Variants in ZBTB8A observed in about 807,000 individuals in gnomAD.
The protein encoded by ZBTB8A is zinc finger and BTB domain-containing protein 8A.
Under a neutral mutation model 37.8 loss-of-function variants are expected in ZBTB8A, and 19 were observed. The observed-to-expected ratio is 0.50, with a 90% confidence interval of 0.35 to 0.74. ZBTB8A has a LOEUF of 0.74. ZBTB8A is among the 30% of genes least tolerant of loss of function. The pLI, the probability that ZBTB8A is intolerant of heterozygous loss-of-function variation, is 0.01. For missense variants in ZBTB8A, 394 were observed against 537.8 expected (o/e 0.73, Z 2.65); for synonymous variants, 181 against 185.2 (o/e 0.98, Z 0.19).
chr1:32,563,922 G>C (rs1297920953), intron 2 of ZBTB8A, among the ~76,000 whole-genome samples: 2 of 152,068 alleles, frequency 1.3e-5, no homozygotes, highest in Admixed American at 6.6e-5. Flanking sequence ...AAGAGGATGG[G>C]GAGTACATCT....
At chr1:32,554,199 A>G (rs984452792) in intron 2 of ZBTB8A, among the ~76,000 whole-genome samples, 22 of 131,762 alleles carry the variant, frequency 1.7e-4, no homozygotes, top group Non-Finnish European at 1.3e-4. Flanking sequence ...GACTGTCTCC[A>G]AAAAAAAAAA....
chr1:32,594,925 TC>T, intron 3 of ZBTB8A, 128 bp from the exon 4 acceptor site: 1 of 1,023,346 alleles, frequency 9.8e-7, no homozygotes, highest in Non-Finnish European at 1.3e-6. Context: ...CCTTGTGAAT[TC>T]TTTTTATTTC....
At chr1:32,539,966 C>G in intron 1 of ZBTB8A, among the ~76,000 whole-genome samples, 1 of 150,808 alleles carries the variant, frequency 6.6e-6, no homozygotes, top group East Asian at 2.0e-4. Flanking sequence ...CGCGGGGGCG[C>G]GCGGGGAGGG....
intron 2 of ZBTB8A, among the ~76,000 whole-genome samples, chr1:32,562,628 G>A (rs1233343173): frequency 6.8e-6 from 1 of 146,212 alleles, no homozygotes; most frequent in Non-Finnish European, 1.5e-5. Flanking sequence ...CCAGGCTGGA[G>A]TGCAGTGGCG....
intron 2 of ZBTB8A, among the ~76,000 whole-genome samples, chr1:32,567,665 G>A (rs963067492): frequency 6.6e-6 from 1 of 150,850 alleles, no homozygotes; most frequent in Non-Finnish European, 1.5e-5. Flanking sequence ...GATGGTGGGC[G>A]CCTGTAGTCC....
At chr1:32,571,656 C>T (rs1440632812) in intron 2 of ZBTB8A, among the ~76,000 whole-genome samples, 1 of 152,006 alleles carries the variant, frequency 6.6e-6, no homozygotes, top group Non-Finnish European at 1.5e-5. Context: ...CTCACTGCAA[C>T]CTCTGCCTCC....
At chr1:32,597,230 A>G (rs1644540764) in intron 4 of ZBTB8A, among the ~76,000 whole-genome samples, 1 of 152,004 alleles carries the variant, frequency 6.6e-6, no homozygotes, top group Non-Finnish European at 1.5e-5. Context: ...CCTGACCTCA[A>G]GTGATCCATC....
At chr1:32,581,692 A>G (rs1008486861) in intron 2 of ZBTB8A, among the ~76,000 whole-genome samples, 1 of 152,050 alleles carries the variant, frequency 6.6e-6, no homozygotes, top group Non-Finnish European at 1.5e-5. Context: ...GTTTGTTCTC[A>G]CACTGATACG....
At position 32,593,884 on chromosome 1, in the gene ZBTB8A, T is replaced by C. The variant is rs76696696; in HGVS notation, c.823+130T>C. 525 of 727,044 alleles carry C rather than the reference T, an allele frequency of 7.2e-4. 1 individual carries two copies. In the African/African-American group the frequency reaches 8.4e-3, roughly 12 times the overall value. The allele number at this position is 727,044 out of a possible 1,614,324, so 45.0% of individuals were successfully genotyped here. On this transcript the variant is annotated intron_variant, in intron 3 of 4. Transcript: ENST00000373510. ...CAAGTGATTTTTTTCAAAAGTTCTA[T>C]TTTTGTAATGAAATTTATTTAGTAA...
At position 32,600,397 on chromosome 1, in the gene ZBTB8A, A is replaced by G. The variant is rs1644566837; in HGVS notation, c.1304A>G (p.Glu435Gly). ...VDDSEEEEEKEIKPNIR is the reference protein window; with the variant it reads ...VDDSEEEEEKGIKPNIR ...GATAGTGAAGAAGAAGAAGAAAAAGAAATTAAGCCCAACATTAGGTAGCTG... is the reference window on the plus strand; with the variant it reads ...GATAGTGAAGAAGAAGAAGAAAAAGGAATTAAGCCCAACATTAGGTAGCTG... The change falls in exon 5 of 5, where the codon GAA becomes GGA. Residue 435 changes from glutamate to glycine, a missense_variant. By Grantham distance (98) the Glu-to-Gly change is moderately conservative (BLOSUM62 -2). Transcript: ENST00000373510. 6.2e-7 allele frequency: 1 copy of G among 1,612,056 alleles called. No individual in the cohort carries two copies. The highest frequency in any genetic ancestry group is 1.7e-5 in the Admixed American group (1 of 59,832).
At chr1:32,561,104 T>C (rs1644241120) in intron 2 of ZBTB8A, among the ~76,000 whole-genome samples, 1 of 124,674 alleles carries the variant, frequency 8.0e-6, no homozygotes, top group Non-Finnish European at 1.6e-5. Flanking sequence ...CAGGGTCTAA[T>C]CCAAACTCTT....
intron 1 of ZBTB8A, among the ~76,000 whole-genome samples, chr1:32,548,484 G>A (rs556621909): frequency 5.3e-5 from 8 of 152,070 alleles, no homozygotes; most frequent in African/African-American, 1.4e-4. Context: ...ACAGGCACCC[G>A]CCATCATGCC....
At chr1:32,551,114 G>T (rs536135348) in intron 1 of ZBTB8A, among the ~76,000 whole-genome samples, 14 of 152,294 alleles carry the variant, frequency 9.2e-5, no homozygotes, top group Middle Eastern at 3.4e-3. Context: ...CTAGGTGACA[G>T]ATGAGCTTTT....
At chr1:32,544,808 T>C (rs575286355) in intron 1 of ZBTB8A, among the ~76,000 whole-genome samples, 1 of 152,240 alleles carries the variant, frequency 6.6e-6, no homozygotes, top group Non-Finnish European at 1.5e-5. Context: ...CAAAATGTTA[T>C]GCGGCGCGTG....
intron 2 of ZBTB8A, among the ~76,000 whole-genome samples, chr1:32,558,303 C>T (rs1257615990): frequency 6.6e-6 from 1 of 152,040 alleles, no homozygotes; most frequent in Non-Finnish European, 1.5e-5. Context: ...ATCTAGCCAC[C>T]TGGCCATTTT....
intron 2 of ZBTB8A, among the ~76,000 whole-genome samples, chr1:32,571,758 G>T (rs553802938): frequency 6.7e-6 from 1 of 149,222 alleles, no homozygotes; most frequent in South Asian, 2.2e-4. Flanking sequence ...TGTACTTTTA[G>T]TACAGATAAG....
chr1:32,544,928 C>G (rs1400754880), intron 1 of ZBTB8A, among the ~76,000 whole-genome samples: 2 of 152,138 alleles, frequency 1.3e-5, no homozygotes, highest in African/African-American at 4.8e-5. Context: ...TTGTTTCCAC[C>G]TCTTAGCTGT....
rs1459172936 is a variant in ZBTB8A, at chr1:32,592,947, C to T, written c.16C>T (p.His6Tyr). ...CCTCTTCAGAATGGAGATCTCCTCT[C>T]ATCAGTCTCACCTCCTGCAGCAACT... MEISSHQSHLLQQLNE... is the reference protein window; with the variant it reads MEISSYQSHLLQQLNE... The change falls in exon 3 of 5, where the codon CAT (histidine) becomes TAT (tyrosine). Residue 6 changes from histidine (H) to tyrosine (Y), a missense_variant. By Grantham distance (83) the His-to-Tyr change is moderately conservative (BLOSUM62 2). Transcript: ENST00000373510. 1.2e-6 allele frequency: 2 copies of T among 1,609,202 alleles called. No homozygotes were observed. Among genetic ancestry groups the T allele is most frequent in the African/African-American group, 2.7e-5 (2 of 74,774 alleles).
At chr1:32,598,990 A>G (rs1170439067) in intron 4 of ZBTB8A, among the ~76,000 whole-genome samples, 1 of 152,206 alleles carries the variant, frequency 6.6e-6, no homozygotes, top group African/African-American at 2.4e-5. Flanking sequence ...ATAATGTTTT[A>G]AATTACTTGC....
Sources: gnomAD v4.1 joint callset for allele counts (sites outside exome capture counted in the v4.1 genomes callset) on GRCh38, gnomAD v4.1.1 for gene constraint, MANE v1.5 for transcripts, NCBI Gene and HGNC (gene_info 2026-07-23, HGNC 2026-07-21) for gene names.